The following FUT8 variants were observed in gnomAD, a reference collection of about 807,000 sequenced individuals.
FUT8 encodes the protein fucosyltransferase 8.
In FUT8, 29 loss-of-function variants were observed where a neutral mutation model predicts 71.3. The observed-to-expected ratio is 0.41, with a 90% CI of 0.30 to 0.55. FUT8 has a LOEUF of 0.55. FUT8 is among the 20% of genes least tolerant of loss of function. FUT8 has a pLI of 0.34. For synonymous variants in FUT8, 254 were observed against 239.3 expected, an observed-to-expected ratio of 1.06 and a Z score of -0.57; for missense variants, 544 against 702.1, an observed-to-expected ratio of 0.77 and a Z score of 2.55.
At chr14:65,649,679 T>C (rs900919422) in intron 6 of FUT8, among the ~76,000 whole-genome samples, 14 of 152,204 alleles carry the variant, frequency 9.2e-5, no homozygotes, top group Middle Eastern at 3.2e-3. Flanking sequence ...ATAATCTCCT[T>C]AAGTTTTCAC....
chr14:65,642,602 CA>C (rs71126774), intron 6 of FUT8, among the ~76,000 whole-genome samples: 44,623 of 95,204 alleles, frequency 0.47, 7,293 homozygotes, highest in East Asian at 0.62. Flanking sequence ...GACTCCGTCT[CA>C]AAAAAAAAAA....
chr14:65,510,884 T>C (rs1291100862), intron 2 of FUT8, among the ~76,000 whole-genome samples: 1 of 152,122 alleles, frequency 6.6e-6, no homozygotes, highest in Non-Finnish European at 1.5e-5. Flanking sequence ...CTTTTGTATT[T>C]TCTTTATTTC....
the FUT8 span, among the ~76,000 whole-genome samples, chr14:65,375,385 T>G: frequency 6.6e-6 from 1 of 151,900 alleles, no homozygotes; most frequent in South Asian, 2.1e-4. Context: ...TTTGGAAGGC[T>G]GAGGAGGGAG....
At chr14:65,635,417 A>T (rs918297366) in intron 6 of FUT8, among the ~76,000 whole-genome samples, 2 of 152,064 alleles carry the variant, frequency 1.3e-5, no homozygotes, top group African/African-American at 2.4e-5. Context: ...TCTTATTCTA[A>T]TTCTCACAGG....
At chr14:65,423,959 T>G (rs895234865) in intron 1 of FUT8, among the ~76,000 whole-genome samples, 3 of 152,222 alleles carry the variant, frequency 2.0e-5, no homozygotes, top group African/African-American at 7.2e-5. Context: ...TTCATTTATT[T>G]TGAAGTAGCA....
intron 3 of FUT8, among the ~76,000 whole-genome samples, chr14:65,592,122 TG>T (rs1405000434): frequency 2.0e-5 from 3 of 152,156 alleles, no homozygotes; most frequent in African/African-American, 4.8e-5. Context: ...TATATACAAT[TG>T]TTTTTTTGTC....
chr14:65,431,064 C>T (rs570845759), intron 1 of FUT8, among the ~76,000 whole-genome samples: 7 of 147,310 alleles, frequency 4.8e-5, no homozygotes, highest in East Asian at 2.0e-4. Flanking sequence ...GGCGCGATCT[C>T]GGCTCACTGC....
chr14:65,536,461 C>A (rs1246933601), intron 2 of FUT8, among the ~76,000 whole-genome samples: 1 of 151,974 alleles, frequency 6.6e-6, no homozygotes, highest in African/African-American at 2.4e-5. Flanking sequence ...GTAATGAATT[C>A]CCTCAGCATT....
the FUT8 span, among the ~76,000 whole-genome samples, chr14:65,358,048 GGGA>G: frequency 6.6e-6 from 1 of 152,136 alleles, no homozygotes. Context: ...GGGTAGGGAG[GGGA>G]GGAGAACAGG....
At position 65,412,737 on chromosome 14, in the gene FUT8, C is replaced by T; in HGVS notation, c.-803C>T. On this transcript the variant is annotated 5_prime_UTR_variant, in exon 1 of 11. Transcript: ENST00000673929. ...CGAGGGGCGCGCTCCCCCATTCGCGCGCGCACGCCGGCGCTGGCCGAGGCT... is the reference window on the plus strand; with the variant it reads ...CGAGGGGCGCGCTCCCCCATTCGCGTGCGCACGCCGGCGCTGGCCGAGGCT... 5.8e-6 allele frequency: 1 copy of T among 171,930 alleles called. No homozygotes were observed. Among genetic ancestry groups the T allele is most frequent in the Non-Finnish European group, 1.2e-5 (1 of 80,444 alleles). The allele number at this position is 171,930 out of a possible 1,614,324, so 10.7% of individuals were successfully genotyped here.
chr14:65,474,102 A>G (rs534634044), intron 2 of FUT8, among the ~76,000 whole-genome samples: 17 of 152,148 alleles, frequency 1.1e-4, no homozygotes, highest in Non-Finnish European at 1.9e-4. Flanking sequence ...GGGTACGCAA[A>G]GGCATACAGA....
chr14:65,699,205 T>G (rs1358428428), intron 7 of FUT8, among the ~76,000 whole-genome samples: 1 of 114,034 alleles, frequency 8.8e-6, no homozygotes, highest in East Asian at 2.6e-4. Flanking sequence ...CACACGCCCA[T>G]GCAGAAACAC....
intron 6 of FUT8, among the ~76,000 whole-genome samples, chr14:65,633,812 G>C (rs925826146): frequency 2.6e-5 from 4 of 151,948 alleles, no homozygotes; most frequent in Non-Finnish European, 5.9e-5. Flanking sequence ...AGTGAGGAGC[G>C]TCTCCGCCCG....
intron 6 of FUT8, among the ~76,000 whole-genome samples, chr14:65,640,179 T>C (rs894154241): frequency 3.3e-5 from 5 of 151,530 alleles, no homozygotes; most frequent in Non-Finnish European, 7.4e-5. Context: ...ATAGAATAAC[T>C]TAGAAGAATG....
At chr14:65,610,707 C>G (rs1303454041) in intron 3 of FUT8, among the ~76,000 whole-genome samples, 3 of 151,900 alleles carry the variant, frequency 2.0e-5, no homozygotes, top group Non-Finnish European at 4.4e-5. Context: ...CACTTTTTAT[C>G]AGGAATTTAC....
chr14:65,429,910 A>G (rs1184306534), intron 1 of FUT8, among the ~76,000 whole-genome samples: 2 of 150,792 alleles, frequency 1.3e-5, no homozygotes, highest in Non-Finnish European at 3.0e-5. Flanking sequence ...ACTTTAAAGC[A>G]GCTACAAAAG....
chr14:65,517,961 G>A (rs1468073412), intron 2 of FUT8, among the ~76,000 whole-genome samples: 1 of 85,470 alleles, frequency 1.2e-5, no homozygotes, highest in East Asian at 6.1e-4. Flanking sequence ...GAGCTGCTTT[G>A]TGGTGATTTT....
intron 1 of FUT8, among the ~76,000 whole-genome samples, chr14:65,441,992 C>T (rs1395870840): frequency 6.6e-6 from 1 of 151,968 alleles, no homozygotes; most frequent in African/African-American, 2.4e-5. Context: ...GTTCCCCACC[C>T]TGGGTCCAGT....
Position 65,483,049 on chromosome 14 carries a change from C to T in FUT8, c.-228+27331C>T, listed in dbSNP as rs543769361. Among the ~76,000 whole-genome samples, 1 of 152,302 alleles carries T rather than the reference C, an allele frequency of 6.6e-6. No homozygotes were observed. The highest frequency in any genetic ancestry group is 2.1e-4 in the South Asian group (1 of 4,820). ...CGAGGCCAGCAACTTCTTTTACTTCCCCCTCAGTTGGATTTGTAACAGAGT... is the reference window on the plus strand; with the variant it reads ...CGAGGCCAGCAACTTCTTTTACTTCTCCCTCAGTTGGATTTGTAACAGAGT... On this transcript the variant is annotated intron_variant, in intron 2 of 10. Transcript: ENST00000673929. This position sits in a 1 kb window ranked among gnomAD's most constrained non-coding sequence, Gnocchi z 4.4.
Sources: allele counts gnomAD v4.1 joint callset (sites outside exome capture counted in the v4.1 genomes callset), GRCh38; gene constraint gnomAD v4.1.1; non-coding constraint Gnocchi (gnomAD v3.1); transcripts MANE v1.5; gene names NCBI Gene and HGNC (gene_info 2026-07-23, HGNC 2026-07-21).